Variants in LUZP2 observed in about 807,000 individuals in gnomAD.
LUZP2 encodes leucine zipper protein 2.
LUZP2 carries 52 observed loss-of-function variants against 51.6 expected under a neutral mutation model. The ratio of observed to expected loss-of-function variants is 1.01; its 90% CI spans 0.81 to 1.27. The LOEUF is 1.27. LUZP2 is among the 50% of genes most tolerant of loss of function. The pLI, the probability that LUZP2 is intolerant of heterozygous loss-of-function variation, is 0.00. For missense variants in LUZP2, 436 were observed against 395.4 expected (o/e 1.10, Z -0.87); for synonymous variants, 154 against 137.3 (o/e 1.12, Z -0.85).
intron 1 of LUZP2, among the ~76,000 whole-genome samples, chr11:24,661,804 T>A (rs1856030947): frequency 6.6e-6 from 1 of 152,210 alleles, no homozygotes; most frequent in Non-Finnish European, 1.5e-5. Context: ...AGATTCATTA[T>A]ACTGTTCTGT....
At chr11:24,591,947 T>C (rs1853275474) in intron 1 of LUZP2, among the ~76,000 whole-genome samples, 1 of 152,234 alleles carries the variant, frequency 6.6e-6, no homozygotes, top group African/African-American at 2.4e-5. Flanking sequence ...AGCCAGGTTT[T>C]ATTACAGTCC....
At chr11:24,926,657 GTA>G (rs1049696915) in intron 7 of LUZP2, among the ~76,000 whole-genome samples, 14 of 111,126 alleles carry the variant, frequency 1.3e-4, no homozygotes, top group African/African-American at 1.9e-4. Flanking sequence ...ATATGTGTGT[GTA>G]TATATATATG....
At chr11:24,733,199 CTT>C (rs1858781559) in intron 3 of LUZP2, among the ~76,000 whole-genome samples, 1 of 151,644 alleles carries the variant, frequency 6.6e-6, no homozygotes, top group Non-Finnish European at 1.5e-5. Flanking sequence ...TACATGGACT[CTT>C]ATTATTATTT....
At chr11:24,574,211 C>CCTTTCTTTCTTTCTTT (rs1169525307) in intron 1 of LUZP2, among the ~76,000 whole-genome samples, 43 of 6,082 alleles carry the variant, frequency 7.1e-3, no homozygotes, top group African/African-American at 8.0e-3. Context: ...TTTCTTCCTT[C>CCTTTCTTTCTTTCTTT]CTTTCTTTCT....
intron 4 of LUZP2, chr11:24,751,584 A>G (rs1386601740): frequency 1.0e-6 from 1 of 982,660 alleles, no homozygotes; most frequent in Non-Finnish European, 1.2e-6. Flanking sequence ...CATCTCCCTT[A>G]GATCCCCTAA....
At chr11:24,743,431 A>G (rs1859259004) in intron 4 of LUZP2, among the ~76,000 whole-genome samples, 1 of 151,718 alleles carries the variant, frequency 6.6e-6, no homozygotes, top group Non-Finnish European at 1.5e-5. Context: ...ATTCCTAAGT[A>G]TTTTACTTTT....
At chr11:24,862,270 A>T (rs1851763866) in intron 5 of LUZP2, among the ~76,000 whole-genome samples, 2 of 152,234 alleles carry the variant, frequency 1.3e-5, no homozygotes, top group Non-Finnish European at 2.9e-5. Flanking sequence ...AAGAATTTTC[A>T]ACCCAGAATT....
chr11:24,608,100 C>T (rs559910833), intron 1 of LUZP2, among the ~76,000 whole-genome samples: 2 of 152,134 alleles, frequency 1.3e-5, no homozygotes, highest in Admixed American at 6.5e-5. Context: ...CCGCCCACCT[C>T]GGCCTCCTAA....
At chr11:24,583,170 TATC>T (rs1248626853) in intron 1 of LUZP2, among the ~76,000 whole-genome samples, 7 of 152,168 alleles carry the variant, frequency 4.6e-5, no homozygotes, top group African/African-American at 1.4e-4. Flanking sequence ...TAATATCACA[TATC>T]ATTATATGTA....
At chr11:25,012,121 A>G (rs901313915) in intron 9 of LUZP2, among the ~76,000 whole-genome samples, 3 of 152,162 alleles carry the variant, frequency 2.0e-5, no homozygotes, top group African/African-American at 7.2e-5. Context: ...AGTCATTCTA[A>G]TTAGCTGCCT....
chr11:24,703,266 A>G (rs1857470057), intron 1 of LUZP2, among the ~76,000 whole-genome samples: 1 of 152,204 alleles, frequency 6.6e-6, no homozygotes, highest in South Asian at 2.1e-4. Flanking sequence ...GGAGTATCCA[A>G]GCAAAACAAC....
chr11:24,576,752 A>G (rs1852666851), intron 1 of LUZP2, among the ~76,000 whole-genome samples: 1 of 152,098 alleles, frequency 6.6e-6, no homozygotes, highest in African/African-American at 2.4e-5. Flanking sequence ...GTGTATATAT[A>G]AAAATAGAGG....
intron 5 of LUZP2, among the ~76,000 whole-genome samples, chr11:24,791,474 T>A (rs1849407561): frequency 6.6e-6 from 1 of 152,194 alleles, no homozygotes; most frequent in Non-Finnish European, 1.5e-5. Context: ...GACTAGCTGA[T>A]AAACATATGT....
At chr11:25,036,093 T>C (rs990590040) in intron 9 of LUZP2, among the ~76,000 whole-genome samples, 1 of 152,124 alleles carries the variant, frequency 6.6e-6, no homozygotes, top group African/African-American at 2.4e-5. Context: ...ATACCTCTGA[T>C]CTGGGACTTT....
At chr11:25,042,363 A>T (rs78167519) in intron 9 of LUZP2, among the ~76,000 whole-genome samples, 71 of 152,294 alleles carry the variant, frequency 4.7e-4, no homozygotes, top group African/African-American at 1.7e-3. Flanking sequence ...GTTTAACATG[A>T]ATTTTGAGTA....
chr11:24,724,693 A>T (rs1858407951), intron 1 of LUZP2, among the ~76,000 whole-genome samples: 1 of 152,246 alleles, frequency 6.6e-6, no homozygotes, highest in Non-Finnish European at 1.5e-5. Context: ...ATAAACAAAA[A>T]GAAATAAAAC....
intron 5 of LUZP2, among the ~76,000 whole-genome samples, chr11:24,844,941 G>C (rs1017891689): frequency 6.6e-6 from 1 of 152,182 alleles, no homozygotes; most frequent in Non-Finnish European, 1.5e-5. Flanking sequence ...CAGGGATGGG[G>C]CCCTCATGGA....
At chr11:24,887,640 G>A (rs1419704740) in intron 5 of LUZP2, among the ~76,000 whole-genome samples, 1 of 152,204 alleles carries the variant, frequency 6.6e-6, no homozygotes. Context: ...TCTGACATGA[G>A]AAAGTTAAAC....
intron 9 of LUZP2, among the ~76,000 whole-genome samples, chr11:24,995,445 GA>G (rs1465700865): frequency 6.6e-6 from 1 of 151,928 alleles, no homozygotes; most frequent in South Asian, 2.1e-4. Flanking sequence ...ATGAAATTGA[GA>G]AAAAATGCTC....
Sources: gnomAD v4.1 joint callset for allele counts (sites outside exome capture counted in the v4.1 genomes callset) on GRCh38, gnomAD v4.1.1 for gene constraint, MANE v1.5 for transcripts, NCBI Gene and HGNC (gene_info 2026-07-23, HGNC 2026-07-21) for gene names.